The following UBXN6 variants were observed in gnomAD, a reference collection of about 807,000 sequenced individuals.
The protein encoded by UBXN6 is UBX domain protein 6.
Under a neutral mutation model 51.4 loss-of-function variants are expected in UBXN6, and 44 were observed. That is an observed-to-expected ratio of 0.86 (90% CI 0.67 to 1.10). UBXN6 has a LOEUF of 1.10. Among genes scored for constraint, UBXN6 ranks in the 50% least tolerant of loss-of-function variants. The pLI, the probability that UBXN6 is intolerant of heterozygous loss-of-function variation, is 0.00. For synonymous variants in UBXN6, 316 were observed against 263.2 expected (o/e 1.20, Z -1.94); for missense variants, 672 against 596.1 (o/e 1.13, Z -1.32).
rs371983225 is a variant in UBXN6 at position 4,452,427 on chromosome 19, C to G, written c.378G>C (p.Pro126=). ...LAVPGVYFTC[P]LTGATLRKDQ... is the part of the protein sequence containing the mutation. ...CCTTCCTCAGGGTGGCCCCAGTGAG[C>G]GGACAGGTGAAGTACACGCCAGGCA... The change falls in exon 4 of 11, where the codon CCG becomes CCC. Residue 126 remains proline (P), a synonymous_variant. Coordinates refer to ENST00000301281, the MANE Select transcript of UBXN6 (RefSeq NM_025241.3). 2 of 1,612,860 alleles carry G rather than the reference C, an allele frequency of 1.2e-6. No homozygotes were observed. Among genetic ancestry groups the G allele is most frequent in the Non-Finnish European group, 1.7e-6 (2 of 1,179,930 alleles).
In UBXN6 at chr19:4,454,194, C is replaced by T. The variant is rs548281448; in HGVS notation, c.84-101G>A. On this transcript the variant is annotated intron_variant, in intron 1 of 10. Transcript: ENST00000301281. ...AGCTTCTGCCCCTCCCCAGCACCAT[C>T]AGCCAGACGTGTCCCTGCCTATGTG... The T allele has an allele frequency of 9.3e-5, 121 of 1,308,080 alleles. No homozygotes were observed. The African/African-American group carries it at 1.7e-3, about 18-fold the overall frequency. The allele number at this position is 1,308,080 out of a possible 1,614,324, so 81.0% of individuals were successfully genotyped here.
chr19:4,447,000 G>C, intron 6 of UBXN6, 80 bp from the exon 7 acceptor site: 1 of 1,384,930 alleles, frequency 7.2e-7, no homozygotes, highest in Non-Finnish European at 1.0e-6. Flanking sequence ...CCAGGGGCCC[G>C]GCTCTCGCTA....
chr19:4,452,297 C>G, intron 4 of UBXN6, 67 bp downstream of exon 4: 4 of 1,583,266 alleles, frequency 2.5e-6, no homozygotes, highest in Non-Finnish European at 3.4e-6. Flanking sequence ...ACCTGGGCTT[C>G]CGATGGAGGG....
chr19:4,449,346 C>G (rs879817610), intron 4 of UBXN6: 21 of 152,992 alleles, frequency 1.4e-4, no homozygotes, highest in African/African-American at 4.3e-4. Context: ...CACCACCCCC[C>G]ACCCTCAACT....
intron 4 of UBXN6, chr19:4,450,355 G>C (rs1382515160): frequency 6.6e-6 from 1 of 151,926 alleles, no homozygotes; most frequent in East Asian, 1.9e-4. Flanking sequence ...ATTATACAGA[G>C]ATCAAAAAAT....
At position 4,453,465 on chromosome 19, in the gene UBXN6, G is replaced by C. The variant is rs1158225949; in HGVS notation, c.305C>G (p.Thr102Ser). 5.0e-5 allele frequency: 80 copies of C among 1,613,494 alleles called. No homozygotes were observed. The highest frequency in any genetic ancestry group is 6.7e-5 in the Non-Finnish European group (79 of 1,179,838). Reference sequence around the variant, plus strand: ...ACCAGTGGCTGTTCTTACCACGTTGGTCCCTGGGGCCTCGGGGCTCCCGCT... The same window carrying C: ...ACCAGTGGCTGTTCTTACCACGTTGCTCCCTGGGGCCTCGGGGCTCCCGCT... Reference protein sequence around the residue: ...TVSGSPEAPGTNVVSEPREEG... With the variant: ...TVSGSPEAPGSNVVSEPREEG... Residue 102 changes from threonine (T) to serine (S), a missense_variant, in exon 3 of 11, where the codon ACC (threonine) becomes AGC (serine). Coordinates refer to ENST00000301281, the MANE Select transcript of UBXN6 (RefSeq NM_025241.3).
At chr19:4,451,493 C>T (rs1974652735) in intron 4 of UBXN6, among the ~76,000 whole-genome samples, 2 of 152,232 alleles carry the variant, frequency 1.3e-5, no homozygotes, top group African/African-American at 4.8e-5. Context: ...GCAGGGACTG[C>T]AGGTGCACGC....
chr19:4,446,208 G>T lies in UBXN6; in HGVS notation c.1052-11C>A. The T allele has an allele frequency of 6.3e-7, 1 of 1,596,014 alleles. No homozygotes were observed. Among genetic ancestry groups the T allele is most frequent in the East Asian group, 2.3e-5 (1 of 44,146 alleles). ...GAGCGTAGAAAGTGCCTGGGGAGTG[G>T]GGGAGTCAGAGCGGGTGGGGCCCAG... is the stretch of plus-strand genomic sequence containing the variant. On this transcript the variant is annotated splice_polypyrimidine_tract_variant and intron_variant, in intron 9 of 10. Coordinates refer to ENST00000301281, the MANE Select transcript of UBXN6 (RefSeq NM_025241.3).
chr19:4,454,270 A>G (rs539760386), intron 1 of UBXN6, among the ~76,000 whole-genome samples, 177 bp from the exon 2 acceptor site: 3 of 152,290 alleles, frequency 2.0e-5, no homozygotes, highest in East Asian at 1.9e-4. Flanking sequence ...AGATGGTTCT[A>G]CTGCAGGCGG....
At chr19:4,453,601 C>G (rs998827976) in intron 2 of UBXN6, 79 bp from the exon 3 acceptor site, 1 of 1,545,570 alleles carries the variant, frequency 6.5e-7, no homozygotes, top group African/African-American at 1.4e-5. Context: ...CCCTCATTCC[C>G]GGGGTGGGCC....
At chr19:4,453,859 TCCA>T in intron 2 of UBXN6, 68 bp downstream of exon 2, 1 of 1,565,368 alleles carries the variant, frequency 6.4e-7, no homozygotes, top group Non-Finnish European at 8.6e-7. Context: ...GACTTCTGCA[TCCA>T]GGGCCAGGCA....
chr19:4,457,148 C>T lies in UBXN6; in HGVS notation c.83+467G>A, dbSNP rs557727960. Among the ~76,000 whole-genome samples, 3 of 152,248 alleles carry T rather than the reference C, an allele frequency of 2.0e-5. No homozygotes were observed. The East Asian group carries it at 5.8e-4, about 29-fold the overall frequency. On this transcript the variant is annotated intron_variant, in intron 1 of 10. Transcript: ENST00000301281. Reference sequence around the variant, plus strand: ...TCACCTAGATTGCCCCAAATCATCCCGGCCTCTTCGGCCAGCCGGGTCCCC... The same window carrying T: ...TCACCTAGATTGCCCCAAATCATCCTGGCCTCTTCGGCCAGCCGGGTCCCC...
At chr19:4,448,207 C>T (rs536687016) in intron 5 of UBXN6, 111 bp downstream of exon 5, 6 of 1,023,300 alleles carry the variant, frequency 5.9e-6, no homozygotes, top group East Asian at 5.2e-5. Flanking sequence ...ATGCTCCTTC[C>T]CAACCCACCT....
intron 6 of UBXN6, 107 bp from the exon 7 acceptor site, chr19:4,447,027 A>C: frequency 1.8e-6 from 2 of 1,138,410 alleles, no homozygotes; most frequent in Admixed American, 2.2e-5. Context: ...GCAGCTGTCG[A>C]CCCCTGGATG....
At chr19:4,453,010 C>T (rs1363401647) in intron 3 of UBXN6, among the ~76,000 whole-genome samples, 5 of 152,194 alleles carry the variant, frequency 3.3e-5, no homozygotes, top group South Asian at 2.1e-4. Flanking sequence ...TGATTCCACC[C>T]GTCTCCACAG....
rs764656169 is a variant in UBXN6, at chr19:4,447,588, TCTC to T, written c.574_576del (p.Glu192del). 53 of 1,613,672 alleles carry T rather than the reference TCTC, an allele frequency of 3.3e-5. No homozygotes were observed. The highest frequency in any genetic ancestry group is 1.0e-4 in the Admixed American group (6 of 59,998). On this transcript the variant is annotated inframe_deletion, in exon 6 of 11. Transcript: ENST00000301281. Reference sequence around the variant, plus strand: ...TTCTGCAGCTTGATCTTCCGGTACTTCTCCTCCTCGGGGTGCAGGTGGATGTTG... The same window carrying T: ...TTCTGCAGCTTGATCTTCCGGTACTTCTCCTCGGGGTGCAGGTGGATGTTG...
intron 1 of UBXN6, chr19:4,455,449 A>C: frequency 7.5e-6 from 2 of 265,922 alleles, no homozygotes; most frequent in Non-Finnish European, 1.2e-5. Flanking sequence ...TTTCCAACAA[A>C]ATGCCATTTC....
At chr19:4,450,473 G>C (rs1395140119) in intron 4 of UBXN6, 1 of 151,556 alleles carries the variant, frequency 6.6e-6, no homozygotes, top group Admixed American at 6.6e-5. Flanking sequence ...TATGTAAAGA[G>C]TGCTGCCGGG....
At chr19:4,450,740 C>A (rs1344043532) in intron 4 of UBXN6, 1 of 104,632 alleles carries the variant, frequency 9.6e-6, no homozygotes, top group African/African-American at 3.8e-5. Flanking sequence ...GCCTGGGCGA[C>A]AGAGCGAGAC....
Sources: gnomAD v4.1 joint callset for allele counts (sites outside exome capture counted in the v4.1 genomes callset) on GRCh38, gnomAD v4.1.1 for gene constraint, MANE v1.5 for transcripts, NCBI Gene and HGNC (gene_info 2026-07-23, HGNC 2026-07-21) for gene names.